The following ATP13A5 variants were observed in gnomAD, a reference collection of about 807,000 sequenced individuals.
ATP13A5 encodes the protein probable cation-transporting ATPase 13A5.
Under a neutral mutation model 150.2 loss-of-function variants are expected in ATP13A5, and 149 were observed. That is an observed-to-expected ratio of 0.99 (90% confidence interval 0.87 to 1.14). The LOEUF is 1.14. Among genes scored for constraint, ATP13A5 ranks in the 50% most tolerant of loss-of-function variants. The pLI is 0.00. For synonymous variants in ATP13A5, 497 were observed against 522.2 expected (o/e 0.95, Z 0.66); for missense variants, 1,383 against 1,449.3 (o/e 0.95, Z 0.74).
intron 16 of ATP13A5, among the ~76,000 whole-genome samples, chr3:193,321,428 T>G (rs1293908539): frequency 6.6e-6 from 1 of 152,062 alleles, no homozygotes; most frequent in African/African-American, 2.4e-5. Context: ...GCCAGGAGGT[T>G]GAGACCAGCC....
chr3:193,284,476 C>A (rs1717635316), intron 27 of ATP13A5, among the ~76,000 whole-genome samples: 1 of 152,162 alleles, frequency 6.6e-6, no homozygotes, highest in Non-Finnish European at 1.5e-5. Context: ...CCATAAAATG[C>A]TTTGTTTAGT....
Position 193,335,028 on chromosome 3 carries a change from A to T in ATP13A5, c.1015T>A (p.Leu339Met). The change falls in exon 10 of 30, where the codon TTG becomes ATG. Residue 339 changes from leucine (L) to methionine (M), a missense_variant. By Grantham distance (15) the Leu-to-Met change is conservative. Coordinates refer to ENST00000342358, the MANE Select transcript of ATP13A5 (RefSeq NM_198505.4). The stretch of plus-strand genomic sequence containing the variant: ...AGGACGTGTTTCCTATAATCCTCCA[A>T]ACTGTGACATTTCCAAGGCATAGTG... Reference protein sequence around the residue: ...ENTMPWKCHSLEDYRKHVLFC... With the variant: ...ENTMPWKCHSMEDYRKHVLFC... 1 of 1,613,952 alleles carries T rather than the reference A, an allele frequency of 6.2e-7. No homozygotes were observed. The highest frequency in any genetic ancestry group is 1.1e-5 in the South Asian group (1 of 91,064).
At chr3:193,344,081 A>G (rs1467227652) in intron 8 of ATP13A5, 26 bp from the exon 9 acceptor site, 1 of 1,606,158 alleles carries the variant, frequency 6.2e-7, no homozygotes, top group East Asian at 2.2e-5. Flanking sequence ...GTTTCCATGA[A>G]TAGCTGACCT....
chr3:193,299,063 T>A, intron 25 of ATP13A5, 68 bp downstream of exon 25: 10 of 1,354,844 alleles, frequency 7.4e-6, no homozygotes, highest in Non-Finnish European at 1.0e-5. Flanking sequence ...AGTTCCTTTT[T>A]GTGTGACTGT....
At chr3:193,362,265 A>G (rs1402598085) in intron 5 of ATP13A5, 116 bp downstream of exon 5, 5 of 918,826 alleles carry the variant, frequency 5.4e-6, no homozygotes, top group Non-Finnish European at 6.9e-6. Flanking sequence ...CAGTAAATGA[A>G]CTTGGACTAT....
Position 193,335,077 on chromosome 3 carries a change from CT to C in ATP13A5, c.965del (p.Lys322ArgfsTer59), listed in dbSNP as rs748525180. 8.1e-6 allele frequency: 13 copies of C among 1,613,674 alleles called. No individual in the cohort carries two copies. In the Admixed American group the frequency reaches 2.2e-4, roughly 27 times the overall value. ...TGTTCTCCATCTGGGGCAATGGTGTCTTTGTAACAGGTATACTTTCTCCTAA... is the reference window on the plus strand; with the variant it reads ...TGTTCTCCATCTGGGGCAATGGTGTCTTGTAACAGGTATACTTTCTCCTAA... ...MLTGESIPVT[K>X]TPLPQMENTM... On this transcript the variant is annotated frameshift_variant, in exon 10 of 30. Transcript: ENST00000342358. LOFTEE classifies it high-confidence loss of function.
chr3:193,359,908 C>T (rs974355638), intron 5 of ATP13A5, among the ~76,000 whole-genome samples: 17 of 151,900 alleles, frequency 1.1e-4, no homozygotes, highest in Non-Finnish European at 1.6e-4. Flanking sequence ...TTTTCTGCAG[C>T]CTAAACAAAA....
intron 26 of ATP13A5, among the ~76,000 whole-genome samples, chr3:193,286,109 T>C (rs1024128575): frequency 4.6e-5 from 7 of 152,358 alleles, no homozygotes; most frequent in East Asian, 1.9e-4. Context: ...CCAGTCCTGA[T>C]TGATCTATTT....
chr3:193,373,240 G>C (rs1713515253), intron 1 of ATP13A5, among the ~76,000 whole-genome samples: 1 of 152,036 alleles, frequency 6.6e-6, no homozygotes, highest in Non-Finnish European at 1.5e-5. Flanking sequence ...CCAGGTTCAA[G>C]CGATCTCCTG....
chr3:193,306,878 A>T (rs559552816), intron 22 of ATP13A5, among the ~76,000 whole-genome samples: 5 of 152,330 alleles, frequency 3.3e-5, no homozygotes, highest in African/African-American at 9.6e-5. Context: ...CAGAGAATGA[A>T]AGTTTGGCAG....
rs191987914 is a variant in ATP13A5, at chr3:193,289,943, T to A, written c.2965A>T (p.Ile989Phe). 53 of 1,612,822 alleles carry A rather than the reference T, an allele frequency of 3.3e-5. No homozygotes were observed. The East Asian group carries it at 1.1e-3, about 35-fold the overall frequency. ...TGCTTCACATAGAGAAATGCACTGA[T>A]CTGCACAATGCAGGAGAAACAGGAA... is the stretch of plus-strand genomic sequence containing the variant. ...LNSCFSCIVQ[I>F]SAFLYVKQQP... is the part of the protein sequence containing the mutation. Residue 989 changes from isoleucine (I) to phenylalanine (F), a missense_variant, in exon 26 of 30, where the codon ATC (isoleucine) becomes TTC (phenylalanine). Coordinates refer to ENST00000342358, the MANE Select transcript of ATP13A5 (RefSeq NM_198505.4).
At chr3:193,341,420 G>C (rs779877344) in intron 9 of ATP13A5, among the ~76,000 whole-genome samples, 1 of 152,120 alleles carries the variant, frequency 6.6e-6, no homozygotes, top group South Asian at 2.1e-4. Flanking sequence ...CAAAGTCCTC[G>C]TACTGGGAGT....
intron 23 of ATP13A5, among the ~76,000 whole-genome samples, chr3:193,303,591 A>G (rs1718492022): frequency 6.6e-6 from 1 of 152,010 alleles, no homozygotes; most frequent in Non-Finnish European, 1.5e-5. Context: ...TTCTCCTTTA[A>G]AAAAATTCAG....
Position 193,378,714 on chromosome 3 carries a change from G to C in ATP13A5, c.12C>G (p.Asn4Lys). 1.2e-6 allele frequency: 2 copies of C among 1,613,744 alleles called. No individual in the cohort carries two copies. The highest frequency in any genetic ancestry group is 1.7e-6 in the Non-Finnish European group (2 of 1,179,734). The change falls in exon 1 of 30, where the codon AAC becomes AAG. Residue 4 changes from asparagine to lysine, a missense_variant. Physicochemically the swap from Asn to Lys is moderately conservative, Grantham distance 94 (BLOSUM62 0). This residue lies in a region of ATP13A5 where 787 missense variants were observed against 771.9 expected (regional missense o/e 1.02). Coordinates refer to ENST00000342358, the MANE Select transcript of ATP13A5 (RefSeq NM_198505.4). ...GCAAAGCCCGATGGTCCTTCTTACTGTTCTCTTCCATCTGAACTCAACCGG... is the reference window on the plus strand; with the variant it reads ...GCAAAGCCCGATGGTCCTTCTTACTCTTCTCTTCCATCTGAACTCAACCGG... MEE[N>K]SKKDHRALLN... is the part of the protein sequence containing the mutation.
chr3:193,327,143 T>C, intron 12 of ATP13A5, 86 bp from the exon 13 acceptor site: 2 of 1,195,034 alleles, frequency 1.7e-6, no homozygotes, highest in South Asian at 1.4e-5. Flanking sequence ...GTTTCTAAGA[T>C]ATTATAGTAG....
intron 11 of ATP13A5, among the ~76,000 whole-genome samples, chr3:193,332,630 C>T (rs1426796514): frequency 1.3e-5 from 2 of 152,024 alleles, no homozygotes; most frequent in Non-Finnish European, 2.9e-5. Flanking sequence ...TGCCCAATAT[C>T]AATTTATCAC....
intron 19 of ATP13A5, among the ~76,000 whole-genome samples, chr3:193,312,183 A>G (rs1484297487): frequency 6.6e-6 from 1 of 152,202 alleles, no homozygotes; most frequent in Non-Finnish European, 1.5e-5. Flanking sequence ...TTGGGAGATA[A>G]TATGTATGAT....
At chr3:193,290,554 T>C (rs1717910462) in intron 25 of ATP13A5, among the ~76,000 whole-genome samples, 1 of 152,148 alleles carries the variant, frequency 6.6e-6, no homozygotes, top group African/African-American at 2.4e-5. Context: ...TCTGAGCATG[T>C]CAATGAGCCA....
At position 193,275,249 on chromosome 3, in the gene ATP13A5, T is replaced by A. The variant is rs777553395; in HGVS notation, c.3450A>T (p.Gly1150=). 1.2e-6 allele frequency: 2 copies of A among 1,614,112 alleles called. No homozygotes were observed. The highest frequency in any genetic ancestry group is 2.2e-5 in the South Asian group (2 of 91,082). ...ELWLLIKREF[G]FYSKSQYRTW... is the part of the protein sequence containing the mutation. Reference sequence around the variant, plus strand: ...TCCTATATTGACTTTTAGAGTAGAATCCAAATTCTCTTTTGATCAACAGCC... The same window carrying A: ...TCCTATATTGACTTTTAGAGTAGAAACCAAATTCTCTTTTGATCAACAGCC... Residue 1150 remains glycine, a synonymous_variant, in exon 30 of 30, where the codon GGA becomes GGT. Transcript: ENST00000342358.
Sources: allele counts gnomAD v4.1 joint callset (sites outside exome capture counted in the v4.1 genomes callset), GRCh38; gene constraint gnomAD v4.1.1; regional missense constraint gnomAD v4.1.1; transcripts MANE v1.5; gene names NCBI Gene and HGNC (gene_info 2026-07-23, HGNC 2026-07-21).